Variants in DEK observed in about 807,000 individuals in gnomAD.
The protein encoded by DEK is DEK proto-oncogene.
A neutral mutation model predicts 46.8 loss-of-function variants in DEK; 28 were observed. The observed-to-expected ratio is 0.60, with a 90% CI of 0.44 to 0.82. The LOEUF is 0.82. Among genes scored for constraint, DEK ranks in the 40% least tolerant of loss-of-function variants. The pLI, the probability that DEK is intolerant of heterozygous loss-of-function variation, is 0.00. For synonymous variants in DEK, 160 were observed against 144.5 expected (o/e 1.11, Z -0.77); for missense variants, 416 against 430.6 (o/e 0.97, Z 0.30).
intron 3 of DEK, 107 bp downstream of exon 3, chr6:18,258,197 T>C (rs1487643746): frequency 1.8e-6 from 2 of 1,136,936 alleles, no homozygotes; most frequent in Non-Finnish European, 2.5e-6. Context: ...AATAAAATTA[T>C]ACCAAAAGTA....
intron 8 of DEK, 151 bp downstream of exon 8, chr6:18,237,230 A>T: frequency 1.2e-6 from 1 of 864,386 alleles, no homozygotes; most frequent in Non-Finnish European, 1.6e-6. Context: ...TGTCCCAAGC[A>T]TTTCAGATAA....
At chr6:18,235,185 C>T (rs534322911) in intron 9 of DEK, among the ~76,000 whole-genome samples, 4 of 152,204 alleles carry the variant, frequency 2.6e-5, no homozygotes, top group African/African-American at 7.2e-5. Context: ...AATATGATTG[C>T]GTTATGCCCC....
chr6:18,264,008 AAG>A lies in DEK; in HGVS notation c.-9-14_-9-13del, dbSNP rs748749622. On this transcript the variant is annotated splice_polypyrimidine_tract_variant and intron_variant, in intron 1 of 10. Transcript: ENST00000652689. ...GACATGCTGTGAACCTGCATGCGGG[AAG>A]AAAGCCGGACGTCTCGGTCCTCCTA... 1.8e-5 allele frequency: 28 copies of A among 1,589,774 alleles called. No homozygotes were observed. The South Asian group carries it at 2.7e-4, about 15-fold the overall frequency.
At chr6:18,228,847 G>A (rs566643707) in intron 9 of DEK, among the ~76,000 whole-genome samples, 2 of 152,332 alleles carry the variant, frequency 1.3e-5, no homozygotes, top group East Asian at 3.9e-4. Flanking sequence ...CCATTGCTGA[G>A]GCTTGAGTTG....
chr6:18,224,988 T>C lies in DEK; in HGVS notation c.*731A>G. Reference sequence around the variant, plus strand: ...TTCCTTCAGTGTTGCCATCACTGAATTGACTTTCACTGTTCCATCATACTG... The same window carrying C: ...TTCCTTCAGTGTTGCCATCACTGAACTGACTTTCACTGTTCCATCATACTG... On this transcript the variant is annotated 3_prime_UTR_variant, in exon 11 of 11. Transcript: ENST00000652689. 4.6e-6 allele frequency: 1 copy of C among 217,896 alleles called. No homozygotes were observed. The highest frequency in any genetic ancestry group is 9.3e-6 in the Non-Finnish European group (1 of 108,060). The allele number at this position is 217,896 out of a possible 1,614,324, so 13.5% of individuals were successfully genotyped here. A position where few individuals can be genotyped will look rare whatever the true frequency, so the allele number is the denominator to read the frequency against.
intron 5 of DEK, 142 bp from the exon 6 acceptor site, chr6:18,255,993 C>A: frequency 8.4e-6 from 6 of 717,194 alleles, no homozygotes; most frequent in East Asian, 3.6e-5. Flanking sequence ...AATCTTTTTT[C>A]TTTTTTTTTT....
chr6:18,236,423 C>T lies in DEK; in HGVS notation c.1047+29G>A, dbSNP rs75250173. The T allele has an allele frequency of 6.0e-3, 9,535 of 1,598,414 alleles. 474 individuals are homozygous for T. The African/African-American group carries it at 0.11, about 18-fold the overall frequency. ...AGTGAAAGAATTTTTCTAGCAAAAGCAAAATAATCTAAACATTTGTCTAAT... is the reference window on the plus strand; with the variant it reads ...AGTGAAAGAATTTTTCTAGCAAAAGTAAAATAATCTAAACATTTGTCTAAT... On this transcript the variant is annotated intron_variant, in intron 9 of 10. Coordinates refer to ENST00000652689, the MANE Select transcript of DEK (RefSeq NM_003472.4).
intron 10 of DEK, 42 bp from the exon 11 acceptor site, chr6:18,225,772 C>T: frequency 6.2e-7 from 1 of 1,608,266 alleles, no homozygotes; most frequent in South Asian, 1.1e-5. Context: ...AAATCATAAA[C>T]CTTTATCCCA....
intron 9 of DEK, among the ~76,000 whole-genome samples, chr6:18,227,749 G>C (rs1036964620): frequency 6.6e-6 from 1 of 152,180 alleles, no homozygotes; most frequent in South Asian, 2.1e-4. Flanking sequence ...CATGGGTAAA[G>C]AAAACATCCA....
chr6:18,250,329 C>A (rs935907603), intron 6 of DEK, among the ~76,000 whole-genome samples: 1 of 151,828 alleles, frequency 6.6e-6, no homozygotes, highest in Non-Finnish European at 1.5e-5. Flanking sequence ...ATTAGCCGGG[C>A]GTGGTGGCGG....
intron 3 of DEK, 99 bp from the exon 4 acceptor site, chr6:18,258,161 T>C (rs771718793): frequency 8.7e-5 from 95 of 1,090,708 alleles, no homozygotes; most frequent in Middle Eastern, 2.1e-4. Flanking sequence ...AATTTACATG[T>C]AACTCTGCTC....
At chr6:18,253,888 T>G (rs1251266922) in intron 6 of DEK, among the ~76,000 whole-genome samples, 1 of 152,078 alleles carries the variant, frequency 6.6e-6, no homozygotes, top group Non-Finnish European at 1.5e-5. Context: ...AATTTCTTCT[T>G]GAGACAGTCT....
intron 9 of DEK, among the ~76,000 whole-genome samples, chr6:18,234,279 G>T (rs1464725591): frequency 1.4e-5 from 2 of 144,716 alleles, no homozygotes; most frequent in Admixed American, 6.9e-5. Context: ...ATGGCACATG[G>T]ATATATATAT....
At chr6:18,250,192 C>T (rs568410367) in intron 6 of DEK, among the ~76,000 whole-genome samples, 9 of 152,206 alleles carry the variant, frequency 5.9e-5, no homozygotes, top group Non-Finnish European at 1.3e-4. Context: ...TTCATCCCTA[C>T]AAGCATTAAA....
At chr6:18,260,111 T>A (rs1325459339) in intron 2 of DEK, among the ~76,000 whole-genome samples, 2 of 152,220 alleles carry the variant, frequency 1.3e-5, no homozygotes, top group Admixed American at 6.5e-5. Context: ...CCAAAATCCA[T>A]GGATGCTCAA....
At chr6:18,249,306 T>C (rs1456655475) in intron 7 of DEK, among the ~76,000 whole-genome samples, 2 of 152,212 alleles carry the variant, frequency 1.3e-5, no homozygotes, top group African/African-American at 4.8e-5. Context: ...TATCAATATA[T>C]TACGAAAAAA....
At chr6:18,252,288 T>C (rs960265828) in intron 6 of DEK, among the ~76,000 whole-genome samples, 12 of 151,916 alleles carry the variant, frequency 7.9e-5, no homozygotes, top group Middle Eastern at 3.4e-3. Flanking sequence ...GGTGAGAGGA[T>C]CACATGAGCT....
chr6:18,230,925 T>C (rs1790389082), intron 9 of DEK, among the ~76,000 whole-genome samples: 1 of 152,186 alleles, frequency 6.6e-6, no homozygotes, highest in Non-Finnish European at 1.5e-5. Context: ...AGAATATACA[T>C]TCTTCTCAGC....
At chr6:18,251,165 A>G (rs1791359612) in intron 6 of DEK, among the ~76,000 whole-genome samples, 1 of 152,170 alleles carries the variant, frequency 6.6e-6, no homozygotes, top group Non-Finnish European at 1.5e-5. Context: ...TACAGAATTA[A>G]TATTTATTTC....
Sources: allele counts gnomAD v4.1 joint callset (sites outside exome capture counted in the v4.1 genomes callset), GRCh38; gene constraint gnomAD v4.1.1; transcripts MANE v1.5; gene names NCBI Gene and HGNC (gene_info 2026-07-23, HGNC 2026-07-21).